CFAP92: variants seen among roughly 807,000 people sequenced by gnomAD.
CFAP92 encodes the protein cilia and flagella associated protein 92 (putative).
In CFAP92, 86 loss-of-function variants were observed where a neutral mutation model predicts 106.3. The ratio of observed to expected loss-of-function variants is 0.81; its 90% CI spans 0.68 to 0.97. The LOEUF is 0.97. Ranked by LOEUF, CFAP92 falls within the 50% of genes least tolerant of loss-of-function variation. The probability of loss-of-function intolerance (pLI) is 0.00; values close to 1 mark genes in which losing one functional copy is unlikely to be tolerated. For missense variants in CFAP92, 1,204 were observed against 1,283.8 expected (o/e 0.94, Z 0.95); for synonymous variants, 477 against 506.4 (o/e 0.94, Z 0.78).
At chr3:128,965,072 C>T (rs1942269265) in intron 9 of CFAP92, among the ~76,000 whole-genome samples, 1 of 152,218 alleles carries the variant, frequency 6.6e-6, no homozygotes. Context: ...ACTGCCTTAA[C>T]TGATGACATT....
At chr3:128,981,976 A>C (rs945939483) in intron 4 of CFAP92, among the ~76,000 whole-genome samples, 1 of 152,254 alleles carries the variant, frequency 6.6e-6, no homozygotes, top group African/African-American at 2.4e-5. Context: ...GAGCACAGGC[A>C]GACTTAGCAT....
In CFAP92 at chr3:128,987,620, C is replaced by T. The variant is rs1165340784; in HGVS notation, c.663G>A (p.Lys221=). 1.2e-6 allele frequency: 2 copies of T among 1,613,692 alleles called. No homozygotes were observed. Among genetic ancestry groups the T allele is most frequent in the South Asian group, 1.1e-5 (1 of 91,070 alleles). Reference sequence around the variant, plus strand: ...TTTCAAATAAAACCAGAGCACCTGACTTATGAAAAGCTCCCACGTCGTCTG... The same window carrying T: ...TTTCAAATAAAACCAGAGCACCTGATTTATGAAAAGCTCCCACGTCGTCTG... The part of the protein sequence containing the change: ...GFTDDVGAFH[K]SEVRHLVLNQ... The change falls in exon 4 of 16, where the codon AAG becomes AAA. Residue 221 remains lysine (K), a synonymous_variant. Transcript: ENST00000645291.
chr3:129,022,074 G>A, the CFAP92 span, among the ~76,000 whole-genome samples: 17 of 152,320 alleles, frequency 1.1e-4, 1 homozygote, highest in Admixed American at 4.6e-4. Context: ...GTGTGCTGGT[G>A]TCTAAGCATT....
At position 128,927,557 on chromosome 3, in the gene CFAP92, T is replaced by TA. The variant is rs1294446555; in HGVS notation, c.2751+5142dup. Among the ~76,000 whole-genome samples the TA allele has an allele frequency of 2.0e-5, 3 of 151,390 alleles. No individual in the cohort carries two copies. In the East Asian group the frequency reaches 5.9e-4, roughly 30 times the overall value. On this transcript the variant is annotated intron_variant, in intron 12 of 15. Transcript: ENST00000645291. ...TAACATGGTGAAACCCTGTCTCTAG[T>TA]AAAAATACAAAACAAAATTAGCTGG...
intron 12 of CFAP92, among the ~76,000 whole-genome samples, chr3:128,921,539 G>C (rs984973340): frequency 1.3e-5 from 2 of 152,244 alleles, no homozygotes; most frequent in African/African-American, 4.8e-5. Flanking sequence ...TGGCTGGATT[G>C]AAAGTAGGAA....
At chr3:129,005,348 C>T (rs1172367120), upstream of CFAP92, among the ~76,000 whole-genome samples, 1 of 152,216 alleles carries the variant, frequency 6.6e-6, no homozygotes, top group Non-Finnish European at 1.5e-5. Flanking sequence ...AAAATTGGAA[C>T]AGTACGGGCA....
intron 10 of CFAP92, among the ~76,000 whole-genome samples, chr3:128,943,914 T>C (rs1559879038): frequency 1.5e-5 from 2 of 137,166 alleles, no homozygotes; most frequent in African/African-American, 5.8e-5. Context: ...TTGGGTTATT[T>C]CCCCCGTTTT....
chr3:128,926,906 C>T (rs1236087171), intron 12 of CFAP92, among the ~76,000 whole-genome samples: 1 of 151,856 alleles, frequency 6.6e-6, no homozygotes, highest in Non-Finnish European at 1.5e-5. Flanking sequence ...CCAGTGTGGC[C>T]AACATGGTGA....
chr3:129,015,220 C>T, the CFAP92 span, among the ~76,000 whole-genome samples: 7 of 152,072 alleles, frequency 4.6e-5, no homozygotes, highest in South Asian at 2.1e-4. Flanking sequence ...CTTCTCAGGC[C>T]CTTTGGGCAT....
At chr3:128,962,536 C>T (rs2107762340) in intron 9 of CFAP92, among the ~76,000 whole-genome samples, 1 of 152,260 alleles carries the variant, frequency 6.6e-6, no homozygotes, top group South Asian at 2.1e-4. Context: ...TGCTGCCCTT[C>T]TTCCCAATCC....
rs376170339 is a variant in CFAP92, at chr3:128,945,478, G to A, written c.1851C>T (p.His617=). 83 of 1,536,126 alleles carry A rather than the reference G, an allele frequency of 5.4e-5. No individual in the cohort carries two copies. Among genetic ancestry groups the A allele is most frequent in the South Asian group, 2.7e-4 (23 of 84,062 alleles). Residue 617 remains histidine (H), a synonymous_variant, in exon 10 of 16, where the codon CAC becomes CAT. Coordinates refer to ENST00000645291, the MANE Select transcript of CFAP92 (RefSeq NM_001394090.1). ...GGTAGTTGCCCCTGGGCATTGGGCCGTGCTGGTGGCCATCTCTGGGGACCC... is the reference window on the plus strand; with the variant it reads ...GGTAGTTGCCCCTGGGCATTGGGCCATGCTGGTGGCCATCTCTGGGGACCC... ...GLGVPRDGHQ[H]GPMPRGNYLE...
At chr3:128,963,299 C>G (rs1002252036) in intron 9 of CFAP92, among the ~76,000 whole-genome samples, 1 of 152,200 alleles carries the variant, frequency 6.6e-6, no homozygotes, top group Non-Finnish European at 1.5e-5. Flanking sequence ...GCCTTTCTGT[C>G]CAAACAACTT....
chr3:128,980,519 A>C (rs1300192219), intron 4 of CFAP92, among the ~76,000 whole-genome samples: 1 of 152,124 alleles, frequency 6.6e-6, no homozygotes, highest in South Asian at 2.1e-4. Context: ...ATTTGCCTGC[A>C]TTGATCAACT....
chr3:128,962,580 C>T (rs1485302376), intron 9 of CFAP92, among the ~76,000 whole-genome samples: 1 of 152,098 alleles, frequency 6.6e-6, no homozygotes, highest in East Asian at 1.9e-4. Context: ...TTGTATTCCC[C>T]CACCTTAACC....
intron 9 of CFAP92, among the ~76,000 whole-genome samples, chr3:128,960,730 G>A (rs976701118): frequency 2.6e-5 from 4 of 152,118 alleles, no homozygotes; most frequent in Admixed American, 1.3e-4. Context: ...GAAGGGGCAA[G>A]TACCCGTGAA....
intron 15 of CFAP92, chr3:128,912,409 G>A (rs1936434045): frequency 9.6e-7 from 1 of 1,036,550 alleles, no homozygotes; most frequent in Middle Eastern, 2.0e-4. Context: ...GCTTCATGGT[G>A]GGTGGGCTGA....
Position 128,912,577 on chromosome 3 carries a change from C to G in CFAP92, c.3281-2244G>C, listed in dbSNP as rs775803919. The G allele has an allele frequency of 3.1e-6, 5 of 1,614,208 alleles. No individual in the cohort carries two copies. The South Asian group carries it at 5.5e-5, about 18-fold the overall frequency. ...AGATCCTTGAGAAGCGAGCCTATAT[C>G]TGTGCCCACCCTCTGGACAGGACAT... is the stretch of plus-strand genomic sequence containing the variant. On this transcript the variant is annotated intron_variant, in intron 15 of 15. Transcript: ENST00000645291.
At chr3:128,978,226 C>G in intron 4 of CFAP92, 41 bp from the exon 5 acceptor site, 1 of 1,590,062 alleles carries the variant, frequency 6.3e-7, no homozygotes, top group Non-Finnish European at 8.6e-7. Context: ...CTCAATCAAT[C>G]CAAAATATTT....
Position 128,988,921 on chromosome 3 carries a change from T to C in CFAP92, c.263-3A>G. 6.2e-7 allele frequency: 1 copy of C among 1,608,268 alleles called. No individual in the cohort carries two copies. The highest frequency in any genetic ancestry group is 8.5e-7 in the Non-Finnish European group (1 of 1,175,776). The stretch of plus-strand genomic sequence containing the variant: ...ACTTGCATATTTTCCCTTCTGACCT[T>C]GAAGATACAGATTGAAAAAGTCTCG... On this transcript the variant is annotated splice_polypyrimidine_tract_variant and splice_region_variant and intron_variant, in intron 2 of 15. Transcript: ENST00000645291.
Sources: allele counts gnomAD v4.1 joint callset (sites outside exome capture counted in the v4.1 genomes callset), GRCh38; gene constraint gnomAD v4.1.1; transcripts MANE v1.5; gene names NCBI Gene and HGNC (gene_info 2026-07-23, HGNC 2026-07-21).